UBR3: variants seen among roughly 807,000 people sequenced by gnomAD.
UBR3 encodes the protein E3 ubiquitin-protein ligase UBR3.
UBR3 carries 85 observed loss-of-function variants against 243.2 expected under a neutral mutation model. That is an observed-to-expected ratio of 0.35 (90% CI 0.29 to 0.42). UBR3 has a LOEUF of 0.42. Ranked by LOEUF, UBR3 falls within the 10% of genes least tolerant of loss-of-function variation. UBR3 has a pLI of 1.00. For missense variants in UBR3, 1,686 were observed against 2,300.8 expected (o/e 0.73, Z 5.47); for synonymous variants, 748 against 799.8 (o/e 0.94, Z 1.09).
chr2:169,831,446 G>A (rs188078471), intron 1 of UBR3, among the ~76,000 whole-genome samples: 119 of 151,740 alleles, frequency 7.8e-4, no homozygotes, highest in African/African-American at 2.6e-3. Flanking sequence ...CACCACACCC[G>A]GCCGGATACA....
chr2:169,901,895 T>C (rs559203642), intron 8 of UBR3, among the ~76,000 whole-genome samples: 1 of 152,366 alleles, frequency 6.6e-6, no homozygotes, highest in South Asian at 2.1e-4. Context: ...TAGGAATGTC[T>C]GTAGATGCTC....
chr2:169,846,985 C>T (rs1181121332), intron 1 of UBR3, among the ~76,000 whole-genome samples: 1 of 152,032 alleles, frequency 6.6e-6, no homozygotes, highest in Non-Finnish European at 1.5e-5. Flanking sequence ...ATCTGCTGGC[C>T]CCTTGGCCTT....
chr2:169,889,840 G>C, intron 5 of UBR3, among the ~76,000 whole-genome samples: 1 of 152,182 alleles, frequency 6.6e-6, no homozygotes, highest in East Asian at 1.9e-4. Context: ...TAGAGCTCCA[G>C]CATGAAGCTG....
intron 1 of UBR3, 60 bp downstream of exon 1, chr2:169,828,112 C>G: frequency 7.6e-7 from 1 of 1,322,880 alleles, no homozygotes; most frequent in South Asian, 1.8e-5. Flanking sequence ...GCGGGAGGGC[C>G]TGGAGCGGAG....
intron 7 of UBR3, among the ~76,000 whole-genome samples, chr2:169,895,650 G>A (rs1006002678): frequency 1.3e-5 from 2 of 152,300 alleles, no homozygotes; most frequent in Non-Finnish European, 2.9e-5. Flanking sequence ...AAGAGTACAA[G>A]GTGCTATAAG....
chr2:169,884,917 G>T lies in UBR3; in HGVS notation c.1039-6248G>T, dbSNP rs114976518. ...AGAATAGATTAAGGTGAAAATAGAT[G>T]AAGGGATAAGATAGATGGAAAGAGG... On this transcript the variant is annotated intron_variant, in intron 5 of 38. Coordinates refer to ENST00000272793, the MANE Select transcript of UBR3 (RefSeq NM_172070.4). Among the ~76,000 whole-genome samples, 1,208 of 152,268 alleles carry T rather than the reference G, an allele frequency of 7.9e-3. 18 individuals carry two copies. Among genetic ancestry groups the T allele is most frequent in the African/African-American group, 0.028 (1,146 of 41,554 alleles).
At chr2:170,004,622 C>A (rs1366282485) in intron 27 of UBR3, among the ~76,000 whole-genome samples, 3 of 152,018 alleles carry the variant, frequency 2.0e-5, no homozygotes, top group Non-Finnish European at 4.4e-5. Flanking sequence ...TGAAAAACCA[C>A]TTTGGGGGCC....
chr2:169,902,243 A>G lies in UBR3; in HGVS notation c.1466-2871A>G, dbSNP rs576174725. Among the ~76,000 whole-genome samples, 4 of 152,160 alleles carry G rather than the reference A, an allele frequency of 2.6e-5. No individual in the cohort carries two copies. In the South Asian group the frequency reaches 8.3e-4, roughly 31 times the overall value. The stretch of plus-strand genomic sequence containing the variant: ...CTTTACATAGCCTCTTCATCACTGC[A>G]TCTTTTTGCCACCACCATAGTTCAA... On this transcript the variant is annotated intron_variant, in intron 8 of 38. Coordinates refer to ENST00000272793, the MANE Select transcript of UBR3 (RefSeq NM_172070.4).
chr2:169,909,055 C>T (rs559213087), intron 10 of UBR3, among the ~76,000 whole-genome samples: 1 of 151,982 alleles, frequency 6.6e-6, no homozygotes, highest in East Asian at 1.9e-4. Flanking sequence ...AATCTCCTGA[C>T]CTCGTGATCC....
At chr2:169,844,343 T>A (rs2082396330) in intron 1 of UBR3, among the ~76,000 whole-genome samples, 1 of 152,116 alleles carries the variant, frequency 6.6e-6, no homozygotes, top group African/African-American at 2.4e-5. Flanking sequence ...ATTCAGTACT[T>A]TTTTTTCTTT....
At chr2:169,849,432 T>A (rs1415815834) in intron 1 of UBR3, among the ~76,000 whole-genome samples, 2 of 152,162 alleles carry the variant, frequency 1.3e-5, no homozygotes, top group African/African-American at 4.8e-5. Flanking sequence ...AATTTAATAT[T>A]TAACTTTTCC....
chr2:169,856,002 G>C lies in UBR3; in HGVS notation c.546-16234G>C, dbSNP rs540917024. Among the ~76,000 whole-genome samples, 19 of 151,714 alleles carry C rather than the reference G, an allele frequency of 1.3e-4. No individual in the cohort carries two copies. The East Asian group carries it at 3.3e-3, about 27-fold the overall frequency. On this transcript the variant is annotated intron_variant, in intron 1 of 38. Coordinates refer to ENST00000272793, the MANE Select transcript of UBR3 (RefSeq NM_172070.4). ...TGCCCCCCACCTCCCAGATGGGGGG[G>C]CTGCCAGGCGGAGACGCTCCTCACC...
intron 23 of UBR3, among the ~76,000 whole-genome samples, chr2:169,957,823 C>T (rs1176695830): frequency 6.6e-6 from 1 of 152,078 alleles, no homozygotes; most frequent in Non-Finnish European, 1.5e-5. Context: ...ATATTTAGGG[C>T]TTTGTAATAC....
intron 11 of UBR3, among the ~76,000 whole-genome samples, chr2:169,917,850 G>A (rs2085523363): frequency 6.6e-6 from 1 of 152,072 alleles, no homozygotes; most frequent in African/African-American, 2.4e-5. Flanking sequence ...CTACAGGCGT[G>A]TGCCACCACA....
At chr2:169,926,376 C>T (rs2085908875) in intron 14 of UBR3, among the ~76,000 whole-genome samples, 1 of 152,062 alleles carries the variant, frequency 6.6e-6, no homozygotes, top group Non-Finnish European at 1.5e-5. Flanking sequence ...TCACTTGAGG[C>T]CAGGAGTTTG....
intron 32 of UBR3, among the ~76,000 whole-genome samples, chr2:170,051,872 G>A (rs2091226205): frequency 6.6e-6 from 1 of 151,986 alleles, no homozygotes; most frequent in African/African-American, 2.4e-5. Flanking sequence ...TTCTTCTACT[G>A]TCTCATTTCC....
intron 1 of UBR3, among the ~76,000 whole-genome samples, chr2:169,857,032 C>T (rs1463512317): frequency 1.8e-5 from 2 of 112,888 alleles, no homozygotes; most frequent in African/African-American, 3.2e-5. Flanking sequence ...TTAAAGGTAT[C>T]TTGTTAATGA....
intron 29 of UBR3, chr2:170,015,060 G>T: frequency 3.1e-5 from 11 of 352,122 alleles, no homozygotes; most frequent in Non-Finnish European, 4.1e-5. Flanking sequence ...GCAATTTTTT[G>T]CAGGTGTAAA....
intron 25 of UBR3, 105 bp from the exon 26 acceptor site, chr2:169,994,218 T>G: frequency 1.5e-6 from 2 of 1,323,442 alleles, no homozygotes; most frequent in Non-Finnish European, 2.1e-6. Context: ...ATTCTAATAG[T>G]GAAATAATTT....
Sources: gnomAD v4.1 joint callset for allele counts (sites outside exome capture counted in the v4.1 genomes callset) on GRCh38, gnomAD v4.1.1 for gene constraint, MANE v1.5 for transcripts, NCBI Gene and HGNC (gene_info 2026-07-23, HGNC 2026-07-21) for gene names.